TMEM175: variants seen among roughly 807,000 people sequenced by gnomAD.
The protein encoded by TMEM175 is transmembrane protein 175, also known as endosomal/lysosomal proton channel TMEM175.
Under a neutral mutation model 36.5 loss-of-function variants are expected in TMEM175, and 36 were observed. The ratio of observed to expected loss-of-function variants is 0.99; its 90% CI spans 0.76 to 1.30. The LOEUF (loss-of-function observed/expected upper bound fraction) is 1.30. Ranked by LOEUF, TMEM175 falls within the 50% of genes most tolerant of loss-of-function variation. The probability of loss-of-function intolerance (pLI) is 0.00; values close to 1 mark genes in which losing one functional copy is unlikely to be tolerated. For missense variants in TMEM175, 705 were observed against 692.8 expected (o/e 1.02, Z -0.20); for synonymous variants, 339 against 313.4 (o/e 1.08, Z -0.86).
intron 8 of TMEM175, 88 bp from the exon 9 acceptor site, chr4:955,317 C>A: frequency 9.9e-7 from 1 of 1,014,808 alleles, no homozygotes; most frequent in Non-Finnish European, 1.5e-6. Flanking sequence ...TCTGCCGCAG[C>A]CCCTGCTTTG....
Position 932,884 on chromosome 4 carries a change from C to T in TMEM175, c.-32+344C>T, listed in dbSNP as rs1022832103. 6.6e-6 allele frequency among the ~76,000 whole-genome samples: 1 copy of T among 152,216 alleles called. No individual in the cohort carries two copies. The highest frequency in any genetic ancestry group is 1.5e-5 in the Non-Finnish European group (1 of 68,046). ...AAACGCTGCTGCATTGCTCTGTCTT[C>T]CGAGGAGAGGGCCAGGGTCTGGCCT... On this transcript the variant is annotated intron_variant, in intron 1 of 10. Coordinates refer to ENST00000264771, the MANE Select transcript of TMEM175 (RefSeq NM_032326.4). This position sits in a 1 kb window ranked among gnomAD's most constrained non-coding sequence, Gnocchi z 4.0.
At chr4:948,231 G>A (rs540481769) in intron 3 of TMEM175, 77 bp downstream of exon 3, 6 of 1,612,558 alleles carry the variant, frequency 3.7e-6, no homozygotes, top group African/African-American at 1.3e-5. Flanking sequence ...CTGGCACAGG[G>A]TGCTGACCCT....
intron 1 of TMEM175, among the ~76,000 whole-genome samples, chr4:946,890 G>A (rs768681518): frequency 1.9e-4 from 27 of 145,256 alleles, no homozygotes; most frequent in Non-Finnish European, 2.6e-4. Flanking sequence ...GGGAGAGCGC[G>A]GCCCCGTAGG....
chr4:933,643 G>A (rs1726392189), intron 1 of TMEM175, among the ~76,000 whole-genome samples: 1 of 152,158 alleles, frequency 6.6e-6, no homozygotes, highest in Middle Eastern at 3.2e-3. Flanking sequence ...TGCCTGACCA[G>A]ATGGGCTCAT....
intron 6 of TMEM175, chr4:952,005 C>T (rs920775562): frequency 1.5e-5 from 9 of 588,000 alleles, no homozygotes; most frequent in African/African-American, 1.5e-4. Context: ...GGCGTGCAGC[C>T]CCTACAGCCT....
At position 952,440 on chromosome 4, in the gene TMEM175, G is replaced by C. The variant is rs191845987; in HGVS notation, c.452G>C (p.Gly151Ala). ...FLFCVCVIAIGVVQALIVGYA... is the reference protein window; with the variant it reads ...FLFCVCVIAIAVVQALIVGYA... ...TTCTGTGTGTGTGTGATCGCCATTG[G>C]GGTCGTGCAGGTAGGGGGCCTGGGG... Residue 151 changes from glycine (G) to alanine (A), a missense_variant, in exon 7 of 11, where the codon GGG (glycine) becomes GCG (alanine). Transcript: ENST00000264771. 113 of 1,588,340 alleles carry C rather than the reference G, an allele frequency of 7.1e-5. No individual in the cohort carries two copies. The highest frequency in any genetic ancestry group is 9.0e-5 in the Non-Finnish European group (105 of 1,168,430).
intron 10 of TMEM175, chr4:956,500 T>A (rs1232623914): frequency 8.0e-7 from 1 of 1,257,698 alleles, no homozygotes; most frequent in Non-Finnish European, 1.0e-6. Flanking sequence ...TGGAGTATAG[T>A]GGCTCAAGCT....
chr4:952,285 G>T, intron 6 of TMEM175, 82 bp from the exon 7 acceptor site: 1 of 1,253,564 alleles, frequency 8.0e-7, no homozygotes, highest in Non-Finnish European at 1.2e-6. Flanking sequence ...GGAGTGGGGA[G>T]GCTCACCATG....
At chr4:947,267 G>C (rs1340309236) in intron 1 of TMEM175, among the ~76,000 whole-genome samples, 1 of 139,250 alleles carries the variant, frequency 7.2e-6, no homozygotes. Flanking sequence ...GGGGGAGAGC[G>C]CGGCCCTGTA....
chr4:956,494 G>A (rs1729674805), intron 10 of TMEM175: 2 of 1,264,192 alleles, frequency 1.6e-6, no homozygotes, highest in South Asian at 1.3e-5. Context: ...CCAGGCTGGA[G>A]TATAGTGGCT....
Position 958,518 on chromosome 4 carries a change from G to C in TMEM175, c.*22G>C. 1 of 1,478,256 alleles carries C rather than the reference G, an allele frequency of 6.8e-7. No individual in the cohort carries two copies. Among genetic ancestry groups the C allele is most frequent in the Non-Finnish European group, 9.0e-7 (1 of 1,115,048 alleles). 91.6% of individuals were successfully genotyped at this position (1,478,256 alleles called of 1,614,324 possible). A position where few individuals can be genotyped will look rare whatever the true frequency, so the allele number is the denominator to read the frequency against. On this transcript the variant is annotated 3_prime_UTR_variant, in exon 11 of 11. Coordinates refer to ENST00000264771, the MANE Select transcript of TMEM175 (RefSeq NM_032326.4). ...CTAGCAGCCACAGAGCCCACTCCCA[G>C]CCGTCCTCACCAGAGATGGACCAGG...
intron 1 of TMEM175, among the ~76,000 whole-genome samples, chr4:943,193 GAC>G (rs1324657040): frequency 4.6e-5 from 7 of 150,808 alleles, no homozygotes; most frequent in Non-Finnish European, 8.9e-5. Context: ...ACCACAATGA[GAC>G]ACCCCTACAC....
At chr4:943,352 A>G (rs983381951) in intron 1 of TMEM175, among the ~76,000 whole-genome samples, 2 of 152,158 alleles carry the variant, frequency 1.3e-5, no homozygotes, top group South Asian at 2.1e-4. Context: ...TCTGGGATCA[A>G]GCAATTCTCC....
rs1435404647 is a variant in TMEM175 at position 941,316 on chromosome 4, C to T, written c.-31-6393C>T. On this transcript the variant is annotated intron_variant, in intron 1 of 10. Transcript: ENST00000264771. ...GTTTAAACCCAGGAGGCAGAGGTTGCAATGAGCCGAGATCGTGCCATTGCA... is the reference window on the plus strand; with the variant it reads ...GTTTAAACCCAGGAGGCAGAGGTTGTAATGAGCCGAGATCGTGCCATTGCA... Among the ~76,000 whole-genome samples, 3 of 130,544 alleles carry T rather than the reference C, an allele frequency of 2.3e-5. No homozygotes were observed. The East Asian group carries it at 7.2e-4, about 31-fold the overall frequency. The allele number at this position is 130,544 out of a possible 152,430, so 85.6% of individuals were successfully genotyped here.
chr4:954,764 C>T (rs1421566044), intron 8 of TMEM175, among the ~76,000 whole-genome samples: 3 of 152,196 alleles, frequency 2.0e-5, no homozygotes, highest in African/African-American at 7.2e-5. Context: ...TTCCCACCAG[C>T]AGCACATGGT....
chr4:953,156 G>A, intron 7 of TMEM175, 34 bp from the exon 8 acceptor site: 2 of 1,567,114 alleles, frequency 1.3e-6, no homozygotes, highest in Non-Finnish European at 1.7e-6. Flanking sequence ...CTCTGCTCTT[G>A]GGGCCTGTGT....
chr4:948,746 A>T, intron 3 of TMEM175: 1 of 1,051,704 alleles, frequency 9.5e-7, no homozygotes, highest in Non-Finnish European at 1.2e-6. Context: ...CTGTGTCCTC[A>T]TGACAGGGTC....
rs878982713 is a variant in TMEM175, at chr4:950,902, AGGTGTGGAT to A, written c.291-282_291-274del. ...GAGGTGTGGATGGTGCAATAGGTGG[AGGTGTGGAT>A]GGTGTGGATGGTGTGGATGGTGCAA... On this transcript the variant is annotated intron_variant, in intron 4 of 10. Transcript: ENST00000264771. 6.6e-3 allele frequency among the ~76,000 whole-genome samples: 897 copies of A among 136,800 alleles called. 33 individuals carry two copies. In the South Asian group the frequency reaches 0.081, roughly 12 times the overall value. 89.7% of individuals were successfully genotyped at this position (136,800 alleles called of 152,430 possible). A position where few individuals can be genotyped will look rare whatever the true frequency, so the allele number is the denominator to read the frequency against.
intron 10 of TMEM175, among the ~76,000 whole-genome samples, chr4:957,113 C>T (rs1177337551): frequency 1.3e-5 from 2 of 152,216 alleles, no homozygotes. Flanking sequence ...GGGAGCTGCC[C>T]CCTCCCAGCA....
Sources: gnomAD v4.1 joint callset for allele counts (sites outside exome capture counted in the v4.1 genomes callset) on GRCh38, gnomAD v4.1.1 for gene constraint, Gnocchi (gnomAD v3.1) non-coding constraint, MANE v1.5 for transcripts, NCBI Gene and HGNC (gene_info 2026-07-23, HGNC 2026-07-21) for gene names.